The following RTTN variants were observed in gnomAD, a reference collection of about 807,000 sequenced individuals.
RTTN encodes rotatin.
Under a neutral mutation model 269.2 loss-of-function variants are expected in RTTN, and 182 were observed. That is an observed-to-expected ratio of 0.68 (90% CI 0.60 to 0.76). The LOEUF is 0.76. Ranked by LOEUF, RTTN falls within the 30% of genes least tolerant of loss-of-function variation. RTTN has a pLI of 0.00. For missense variants in RTTN, 2,545 were observed against 2,608.6 expected (o/e 0.98, Z 0.53); for synonymous variants, 1,006 against 963.5 (o/e 1.04, Z -0.82).
chr18:70,179,032 A>G (rs1033218752), intron 10 of RTTN, among the ~76,000 whole-genome samples: 2 of 152,164 alleles, frequency 1.3e-5, no homozygotes, highest in Non-Finnish European at 2.9e-5. Context: ...AACACTGACA[A>G]AAATTAACTT....
chr18:70,161,153 C>T (rs1295722097), intron 14 of RTTN, among the ~76,000 whole-genome samples: 1 of 152,060 alleles, frequency 6.6e-6, no homozygotes, highest in Non-Finnish European at 1.5e-5. Flanking sequence ...AACAGATACA[C>T]AGGCCACTAG....
intron 17 of RTTN, 73 bp from the exon 18 acceptor site, chr18:70,145,856 A>C (rs1302356549): frequency 4.4e-6 from 5 of 1,141,926 alleles, no homozygotes; most frequent in African/African-American, 3.1e-5. Flanking sequence ...TTGTAATTAC[A>C]AGTAATTATA....
At chr18:70,156,416 T>G (rs2060677217) in intron 14 of RTTN, among the ~76,000 whole-genome samples, 1 of 152,198 alleles carries the variant, frequency 6.6e-6, no homozygotes, top group African/African-American at 2.4e-5. Context: ...AAACCCTGTC[T>G]ACTGATAAGA....
chr18:70,063,965 C>CTTTT (rs35413593), intron 35 of RTTN, among the ~76,000 whole-genome samples: 193 of 131,174 alleles, frequency 1.5e-3, no homozygotes, highest in African/African-American at 4.8e-3. Flanking sequence ...CTTTTATATG[C>CTTTT]TTTTTTTTTT....
chr18:70,132,514 T>C (rs1357732820), intron 23 of RTTN, among the ~76,000 whole-genome samples: 1 of 151,760 alleles, frequency 6.6e-6, no homozygotes, highest in East Asian at 1.9e-4. Context: ...ATAAACTAAA[T>C]CTTCACTAGT....
chr18:70,180,121 TAA>T lies in RTTN; in HGVS notation c.1306-3278_1306-3277del, dbSNP rs11316357. Among the ~76,000 whole-genome samples, 8 of 146,554 alleles carry T rather than the reference TAA, an allele frequency of 5.5e-5. No individual in the cohort carries two copies. The South Asian group carries it at 1.1e-3, about 20-fold the overall frequency. On this transcript the variant is annotated intron_variant, in intron 10 of 48. Coordinates refer to ENST00000640769, the MANE Select transcript of RTTN (RefSeq NM_173630.4). ...GGTTCATTCTCACGCTCCGCCAGAT[TAA>T]AAAAAAAAAATGCTATTTTATTTGC...
At chr18:70,119,295 CA>C (rs200672745) in intron 26 of RTTN, among the ~76,000 whole-genome samples, 40 of 141,636 alleles carry the variant, frequency 2.8e-4, no homozygotes, top group African/African-American at 9.1e-4. Context: ...CGCGCCCCCC[CA>C]AAAAAAAACC....
At chr18:70,204,321 A>G (rs2146203267) in intron 2 of RTTN, 58 bp from the exon 3 acceptor site, 2 of 1,450,630 alleles carry the variant, frequency 1.4e-6, no homozygotes. Flanking sequence ...TATAACTTAC[A>G]GCAATCAAAA....
intron 40 of RTTN, among the ~76,000 whole-genome samples, chr18:70,043,105 G>C (rs7233315): frequency 1.3e-5 from 2 of 152,212 alleles, no homozygotes; most frequent in Non-Finnish European, 2.9e-5. Flanking sequence ...AAGTAGGTTA[G>C]AAGGAATTGG....
chr18:70,183,583 C>T (rs1807961580), intron 10 of RTTN, among the ~76,000 whole-genome samples: 1 of 152,124 alleles, frequency 6.6e-6, no homozygotes, highest in Non-Finnish European at 1.5e-5. Context: ...CAGGGTTTCT[C>T]AACCTTAACA....
chr18:70,060,794 C>A (rs1320065733), intron 35 of RTTN, among the ~76,000 whole-genome samples: 1 of 152,096 alleles, frequency 6.6e-6, no homozygotes, highest in African/African-American at 2.4e-5. Context: ...TCATTCTACT[C>A]TCTATTTTCA....
intron 25 of RTTN, among the ~76,000 whole-genome samples, chr18:70,126,401 T>C (rs1371508015): frequency 6.6e-6 from 1 of 152,100 alleles, no homozygotes; most frequent in African/African-American, 2.4e-5. Context: ...CTGATAAATA[T>C]GTAACTGAGA....
rs1568464385 is a variant in RTTN, at chr18:70,148,939, TA to T, written c.2270del (p.Leu757Ter). ...TEEMLPCTTRLKSMLRLLLVK... is the reference protein window; with the variant it reads ...TEEMLPCTTRXKSMLRLLLVK... ...CTAGCAAAAGTCGCAGCATGGACTT[TA>T]ATCGGGTAGTACACGGAAGCATCTC... On this transcript the variant is annotated frameshift_variant, in exon 17 of 49. Transcript: ENST00000640769. LOFTEE classifies it high-confidence loss of function. 6.2e-7 allele frequency: 1 copy of T among 1,613,656 alleles called. No homozygotes were observed. Among genetic ancestry groups the T allele is most frequent in the Non-Finnish European group, 8.5e-7 (1 of 1,179,630 alleles).
chr18:70,142,412 C>G, intron 18 of RTTN, 25 bp from the exon 19 acceptor site: 1 of 1,079,512 alleles, frequency 9.3e-7, no homozygotes. Context: ...AAAAAAAAAA[C>G]CAAAATTACA....
At chr18:70,202,021 T>C (rs1385745477) in intron 3 of RTTN, 38 bp from the exon 4 acceptor site, 3 of 1,188,162 alleles carry the variant, frequency 2.5e-6, no homozygotes, top group Non-Finnish European at 3.7e-6. Context: ...TGTCGATTCC[T>C]TATTTGCTAA....
At chr18:70,139,976 G>GA (rs2060216027) in intron 20 of RTTN, 124 bp downstream of exon 20, 1 of 694,002 alleles carries the variant, frequency 1.4e-6, no homozygotes, top group Middle Eastern at 2.5e-4. Flanking sequence ...AAAAATGAAT[G>GA]AGATAGGAGG....
At chr18:70,018,768 G>C (rs1160188417) in intron 45 of RTTN, among the ~76,000 whole-genome samples, 1 of 149,104 alleles carries the variant, frequency 6.7e-6, no homozygotes, top group South Asian at 2.1e-4. Context: ...ATTTGGGACT[G>C]ACAAGGGTGA....
chr18:70,180,742 G>A (rs1029071473), intron 10 of RTTN, among the ~76,000 whole-genome samples: 1 of 152,168 alleles, frequency 6.6e-6, no homozygotes, highest in African/African-American at 2.4e-5. Context: ...GGAGTTTGCA[G>A]GGTCATGATA....
intron 32 of RTTN, among the ~76,000 whole-genome samples, chr18:70,078,709 G>T (rs955845878): frequency 1.3e-5 from 2 of 152,070 alleles, no homozygotes; most frequent in African/African-American, 4.8e-5. Context: ...TCTCTGTAGT[G>T]AGTTACGGTT....
Sources: gnomAD v4.1 joint callset for allele counts (sites outside exome capture counted in the v4.1 genomes callset) on GRCh38, gnomAD v4.1.1 for gene constraint, MANE v1.5 for transcripts, NCBI Gene and HGNC (gene_info 2026-07-23, HGNC 2026-07-21) for gene names.